GABRG3: variants seen among roughly 807,000 people sequenced by gnomAD.
GABRG3 encodes the protein gamma-aminobutyric acid type A receptor subunit gamma3.
A neutral mutation model predicts 48.8 loss-of-function variants in GABRG3; 25 were observed. The ratio of observed to expected loss-of-function variants is 0.51; its 90% CI spans 0.37 to 0.72. The LOEUF (loss-of-function observed/expected upper bound fraction) is 0.72, where lower values mean the gene tolerates loss of function less well. GABRG3 is among the 30% of genes least tolerant of loss of function. GABRG3 has a pLI of 0.00. For synonymous variants in GABRG3, 227 were observed against 217.6 expected (o/e 1.04, Z -0.38); for missense variants, 394 against 577.9 (o/e 0.68, Z 3.26).
intron 3 of GABRG3, among the ~76,000 whole-genome samples, chr15:27,207,819 TG>T (rs1312121441): frequency 3.9e-5 from 6 of 152,194 alleles, no homozygotes. Context: ...CCTCCTGCCC[TG>T]GCCACTGAGA....
At chr15:27,160,869 A>C (rs1887158185) in intron 3 of GABRG3, among the ~76,000 whole-genome samples, 1 of 152,142 alleles carries the variant, frequency 6.6e-6, no homozygotes, top group Non-Finnish European at 1.5e-5. Flanking sequence ...AATTTCAGAG[A>C]AGTACTGCTT....
chr15:27,129,923 G>T (rs1369413472), intron 3 of GABRG3, among the ~76,000 whole-genome samples: 1 of 151,984 alleles, frequency 6.6e-6, no homozygotes, highest in Non-Finnish European at 1.5e-5. Context: ...TAGTTGCTCT[G>T]TTGTAGTTCT....
intron 3 of GABRG3, among the ~76,000 whole-genome samples, chr15:27,213,259 G>A (rs1202558932): frequency 2.0e-5 from 3 of 152,202 alleles, no homozygotes; most frequent in Non-Finnish European, 2.9e-5. Flanking sequence ...CATAATTTCA[G>A]CTTCTCTTCA....
At chr15:27,245,514 A>G (rs896281638) in intron 3 of GABRG3, among the ~76,000 whole-genome samples, 35 of 152,164 alleles carry the variant, frequency 2.3e-4, no homozygotes, top group African/African-American at 7.2e-4. Flanking sequence ...CAGCCAAAAT[A>G]TGTGTTGGAT....
chr15:27,282,633 A>G (rs766547807), intron 3 of GABRG3, among the ~76,000 whole-genome samples: 27 of 152,078 alleles, frequency 1.8e-4, no homozygotes, highest in Non-Finnish European at 3.7e-4. Flanking sequence ...AGAGTTCTTA[A>G]CTGCTCACTG....
chr15:27,319,527 G>A lies in GABRG3; in HGVS notation c.271-7282G>A, dbSNP rs187674493. Among the ~76,000 whole-genome samples the A allele has an allele frequency of 2.6e-5, 4 of 152,276 alleles. No homozygotes were observed. The East Asian group carries it at 5.8e-4, about 22-fold the overall frequency. On this transcript the variant is annotated intron_variant, in intron 3 of 9. Transcript: ENST00000615808. This position sits in a 1 kb window ranked among gnomAD's most constrained non-coding sequence, Gnocchi z 4.4. The stretch of plus-strand genomic sequence containing the variant: ...TTGAAGACATAGAGTGTTAACATAA[G>A]GAGAAAAAATAGTGAGTAATACCAT...
chr15:27,198,397 GATC>G (rs1260910561), intron 3 of GABRG3, among the ~76,000 whole-genome samples: 1 of 152,190 alleles, frequency 6.6e-6, no homozygotes, highest in East Asian at 1.9e-4. Context: ...ATGAAAAAAA[GATC>G]ATCATCACTG....
At chr15:27,358,425 C>A (rs1475693899) in intron 5 of GABRG3, among the ~76,000 whole-genome samples, 1 of 151,996 alleles carries the variant, frequency 6.6e-6, no homozygotes, top group African/African-American at 2.4e-5. Context: ...CTCTAAGAAA[C>A]GTTATTCCTA....
chr15:27,516,100 A>C (rs1007352633), intron 6 of GABRG3, among the ~76,000 whole-genome samples: 2 of 148,540 alleles, frequency 1.3e-5, no homozygotes, highest in Non-Finnish European at 3.0e-5. Context: ...GCAGCCGGTT[A>C]GCATTTTCAG....
At chr15:27,492,828 C>T (rs1044847916) in intron 6 of GABRG3, among the ~76,000 whole-genome samples, 3 of 152,202 alleles carry the variant, frequency 2.0e-5, no homozygotes, top group African/African-American at 7.2e-5. Context: ...CTATGAGATT[C>T]TGTGTCTTCA....
At chr15:27,409,453 G>T (rs937449414) in intron 5 of GABRG3, among the ~76,000 whole-genome samples, 1 of 151,862 alleles carries the variant, frequency 6.6e-6, no homozygotes, top group South Asian at 2.1e-4. Flanking sequence ...ATTGATCTGT[G>T]TATGTACCCT....
At chr15:27,252,410 G>T (rs1399475905) in intron 3 of GABRG3, among the ~76,000 whole-genome samples, 1 of 152,160 alleles carries the variant, frequency 6.6e-6, no homozygotes, top group African/African-American at 2.4e-5. Flanking sequence ...GTGGGTGGCT[G>T]TGTGGATGCC....
At chr15:27,459,972 A>G (rs1385134726) in intron 5 of GABRG3, among the ~76,000 whole-genome samples, 2 of 152,158 alleles carry the variant, frequency 1.3e-5, no homozygotes, top group African/African-American at 4.8e-5. Flanking sequence ...TGGCTGACTT[A>G]CAGGAGTCCC....
At chr15:27,334,238 C>T (rs1566790942) in intron 5 of GABRG3, among the ~76,000 whole-genome samples, 3 of 152,038 alleles carry the variant, frequency 2.0e-5, no homozygotes, top group Admixed American at 2.0e-4. Context: ...GCCAGTTTTA[C>T]AACTCTATGC....
chr15:27,350,887 T>TGTGTGG (rs368003792), intron 5 of GABRG3, among the ~76,000 whole-genome samples: 1 of 151,758 alleles, frequency 6.6e-6, no homozygotes, highest in Non-Finnish European at 1.5e-5. Context: ...GGTGTGTGTG[T>TGTGTGG]GTCGTGTGTG....
intron 2 of GABRG3, among the ~76,000 whole-genome samples, chr15:26,987,151 G>T (rs551404559): frequency 1.3e-5 from 2 of 152,136 alleles, no homozygotes; most frequent in African/African-American, 4.8e-5. Context: ...TCAGCTACTC[G>T]GGAGGCTGAG....
intron 4 of GABRG3, 63 bp from the exon 5 acceptor site, chr15:27,328,743 A>G: frequency 6.9e-7 from 1 of 1,443,852 alleles, no homozygotes; most frequent in Non-Finnish European, 9.7e-7. Context: ...GGGGTGCCGT[A>G]ACGGCCGCCG....
chr15:27,374,138 C>CTTTT (rs201839822), intron 5 of GABRG3, among the ~76,000 whole-genome samples: 98 of 91,606 alleles, frequency 1.1e-3, no homozygotes, highest in African/African-American at 1.7e-3. Context: ...TTCTTTTCTT[C>CTTTT]TTTTTTTTTT....
At chr15:27,505,827 T>A (rs1463989372) in intron 6 of GABRG3, among the ~76,000 whole-genome samples, 1 of 152,228 alleles carries the variant, frequency 6.6e-6, no homozygotes, top group East Asian at 1.9e-4. Flanking sequence ...AAAGATTACA[T>A]AGAATTGGTG....
Sources: allele counts gnomAD v4.1 joint callset (sites outside exome capture counted in the v4.1 genomes callset), GRCh38; gene constraint gnomAD v4.1.1; non-coding constraint Gnocchi (gnomAD v3.1); transcripts MANE v1.5; gene names NCBI Gene and HGNC (gene_info 2026-07-23, HGNC 2026-07-21).